Variants in NRXN1 observed in about 807,000 individuals in gnomAD.
The protein encoded by NRXN1 is neurexin 1.
Under a neutral mutation model 150.9 loss-of-function variants are expected in NRXN1, and 39 were observed. The ratio of observed to expected loss-of-function variants is 0.26; its 90% CI spans 0.20 to 0.34. The LOEUF is 0.34. Ranked by LOEUF, NRXN1 falls within the 10% of genes least tolerant of loss-of-function variation. NRXN1 has a pLI of 1.00. For synonymous variants in NRXN1, 924 were observed against 757.0 expected (o/e 1.22, Z -3.62); for missense variants, 1,815 against 1,949.9 (o/e 0.93, Z 1.30).
At chr2:50,703,828 A>G (rs1694083323) in intron 5 of NRXN1, among the ~76,000 whole-genome samples, 1 of 152,120 alleles carries the variant, frequency 6.6e-6, no homozygotes, top group Non-Finnish European at 1.5e-5. Flanking sequence ...ATACTAACTC[A>G]TTTTCCAGGT....
Position 50,194,171 on chromosome 2 carries a change from G to A in NRXN1, c.3546+42618C>T, listed in dbSNP as rs576080326. Among the ~76,000 whole-genome samples the A allele has an allele frequency of 9.2e-5, 14 of 152,234 alleles. No individual in the cohort carries two copies. In the South Asian group the frequency reaches 2.7e-3, roughly 29 times the overall value. On this transcript the variant is annotated intron_variant, in intron 18 of 22. Coordinates refer to ENST00000401669, the MANE Select transcript of NRXN1 (RefSeq NM_001330078.2). ...AAATGGTTATTACAGAAATTTATCT[G>A]AATATGGACTACTTTGTGACTAATA... is the stretch of plus-strand genomic sequence containing the variant.
intron 5 of NRXN1, among the ~76,000 whole-genome samples, chr2:50,657,153 G>A (rs1686605472): frequency 6.6e-6 from 1 of 151,894 alleles, no homozygotes; most frequent in Non-Finnish European, 1.5e-5. Context: ...TCATCTGTGG[G>A]CTCATCTTCA....
chr2:49,943,631 C>T (rs1672393158), intron 22 of NRXN1, 73 bp downstream of exon 22: 1 of 953,776 alleles, frequency 1.0e-6, no homozygotes, highest in Non-Finnish European at 1.7e-6. Context: ...GAATATAAGG[C>T]CCTTCTAAGG....
intron 18 of NRXN1, among the ~76,000 whole-genome samples, chr2:50,137,149 T>A (rs1706540919): frequency 6.6e-6 from 1 of 152,116 alleles, no homozygotes; most frequent in Non-Finnish European, 1.5e-5. Context: ...GAGTAATCAT[T>A]CCATAATGTG....
intron 17 of NRXN1, among the ~76,000 whole-genome samples, chr2:50,407,664 G>A (rs2082851141): frequency 6.6e-6 from 1 of 151,990 alleles, no homozygotes; most frequent in African/African-American, 2.4e-5. Context: ...AAAAGAGGAA[G>A]AGAGACCTGA....
At chr2:50,343,901 C>A (rs1431942090) in intron 17 of NRXN1, among the ~76,000 whole-genome samples, 1 of 152,234 alleles carries the variant, frequency 6.6e-6, no homozygotes, top group African/African-American at 2.4e-5. Flanking sequence ...AACCAAACAG[C>A]CTAGTTCATT....
chr2:50,831,108 C>A (rs1454910689), intron 5 of NRXN1, among the ~76,000 whole-genome samples: 1 of 152,076 alleles, frequency 6.6e-6, no homozygotes, highest in Non-Finnish European at 1.5e-5. Flanking sequence ...CAATTATACT[C>A]CTTAAGTTAT....
At chr2:50,215,774 G>C (rs930713026) in intron 18 of NRXN1, among the ~76,000 whole-genome samples, 3 of 152,004 alleles carry the variant, frequency 2.0e-5, no homozygotes, top group African/African-American at 7.2e-5. Flanking sequence ...TTGTTAAATA[G>C]TCAAACTTCT....
At chr2:50,440,370 C>A (rs2085839916) in intron 17 of NRXN1, among the ~76,000 whole-genome samples, 1 of 151,962 alleles carries the variant, frequency 6.6e-6, no homozygotes, top group Non-Finnish European at 1.5e-5. Context: ...CCTGACGGAT[C>A]TAGTTTCTGA....
At chr2:50,007,387 C>G (rs531065922) in intron 21 of NRXN1, among the ~76,000 whole-genome samples, 2 of 151,878 alleles carry the variant, frequency 1.3e-5, no homozygotes, top group Non-Finnish European at 2.9e-5. Flanking sequence ...TGAGGGGTCA[C>G]CACCCCTCGA....
At chr2:51,006,597 T>C (rs1002322498) in intron 2 of NRXN1, among the ~76,000 whole-genome samples, 3 of 151,920 alleles carry the variant, frequency 2.0e-5, no homozygotes, top group African/African-American at 7.2e-5. Flanking sequence ...AGTCTTATAA[T>C]AACCTTCTGT....
At position 50,347,065 on chromosome 2, in the gene NRXN1, C is replaced by A; in HGVS notation, c.3365-110095G>T. On this transcript the variant is annotated intron_variant, in intron 17 of 22. Transcript: ENST00000401669. The surrounding 1 kb of genome is among the most constrained non-coding windows in gnomAD (Gnocchi z 4.9). ...GTGGGCTGAGGGGCCGGCCGCCTCA[C>A]CGCGCCAGGGCACCCATCCTCTCCC... The A allele has an allele frequency of 7.2e-7, 1 of 1,379,748 alleles. No homozygotes were observed. The highest frequency in any genetic ancestry group is 9.5e-7 in the Non-Finnish European group (1 of 1,051,778). The allele number at this position is 1,379,748 out of a possible 1,614,324, so 85.5% of individuals were successfully genotyped here. A position where few individuals can be genotyped will look rare whatever the true frequency, so the allele number is the denominator to read the frequency against.
intron 5 of NRXN1, among the ~76,000 whole-genome samples, chr2:50,888,435 G>C (rs1680584571): frequency 1.3e-5 from 2 of 151,552 alleles, no homozygotes; most frequent in African/African-American, 2.4e-5. Context: ...AGGTGGAACT[G>C]AAAGCAGTGA....
intron 5 of NRXN1, among the ~76,000 whole-genome samples, chr2:50,865,969 C>CA (rs969083454): frequency 6.6e-6 from 1 of 151,342 alleles, no homozygotes; most frequent in African/African-American, 2.4e-5. Context: ...ACAACAAGGA[C>CA]AAAAAAACGA....
chr2:50,841,565 C>T (rs908609100), intron 5 of NRXN1, among the ~76,000 whole-genome samples: 14 of 152,202 alleles, frequency 9.2e-5, no homozygotes, highest in African/African-American at 3.1e-4. Flanking sequence ...CTACGTTAGT[C>T]ACAGGACATT....
chr2:50,404,863 G>C (rs561539252), intron 17 of NRXN1, among the ~76,000 whole-genome samples: 66 of 152,210 alleles, frequency 4.3e-4, no homozygotes, highest in African/African-American at 1.6e-3. Flanking sequence ...TGACTTGAGA[G>C]AGTAACAGGG....
At chr2:50,199,398 C>T (rs2062000352) in intron 18 of NRXN1, 1 of 152,036 alleles carries the variant, frequency 6.6e-6, no homozygotes, top group African/African-American at 2.4e-5. Flanking sequence ...GAACTCCCAA[C>T]CCCACCCCAC....
chr2:50,785,523 C>T (rs1704991058), intron 5 of NRXN1, among the ~76,000 whole-genome samples: 2 of 152,138 alleles, frequency 1.3e-5, no homozygotes, highest in Admixed American at 1.3e-4. Flanking sequence ...GCTGGGATTA[C>T]AGGCATGAGC....
rs1382926959 is a variant in NRXN1, at chr2:50,568,684, C to T, written c.1321-15659G>A. 2.0e-5 allele frequency among the ~76,000 whole-genome samples: 3 copies of T among 152,094 alleles called. No individual in the cohort carries two copies. In the East Asian group the frequency reaches 5.8e-4, roughly 29 times the overall value. ...TGGTGAAAAGGGAAACCCTTGTACA[C>T]TGTTTGTGGGAATGTAAATTAGTAC... On this transcript the variant is annotated intron_variant, in intron 8 of 22. Transcript: ENST00000401669.
Sources: allele counts gnomAD v4.1 joint callset (sites outside exome capture counted in the v4.1 genomes callset), GRCh38; gene constraint gnomAD v4.1.1; non-coding constraint Gnocchi (gnomAD v3.1); transcripts MANE v1.5; gene names NCBI Gene and HGNC (gene_info 2026-07-23, HGNC 2026-07-21).